Variants in ARID2 observed in about 807,000 individuals in gnomAD.
The protein encoded by ARID2 is AT-rich interactive domain-containing protein 2.
ARID2 carries 32 observed loss-of-function variants against 184.6 expected under a neutral mutation model. That is an observed-to-expected ratio of 0.17 (90% CI 0.13 to 0.23). The LOEUF is 0.23. Among genes scored for constraint, ARID2 ranks in the 10% least tolerant of loss-of-function variants. The probability of loss-of-function intolerance (pLI) is 1.00; values close to 1 mark genes in which losing one functional copy is unlikely to be tolerated. For synonymous variants in ARID2, 836 were observed against 772.6 expected (o/e 1.08, Z -1.36); for missense variants, 1,696 against 2,197.6 (o/e 0.77, Z 4.56).
At chr12:45,783,682 G>C (rs915172654) in intron 3 of ARID2, among the ~76,000 whole-genome samples, 3 of 152,238 alleles carry the variant, frequency 2.0e-5, no homozygotes. Flanking sequence ...TGCCACTGCT[G>C]ATCTGACAGG....
At chr12:45,807,558 G>A (rs1034933648) in intron 3 of ARID2, among the ~76,000 whole-genome samples, 3 of 152,086 alleles carry the variant, frequency 2.0e-5, no homozygotes, top group African/African-American at 7.2e-5. Flanking sequence ...ATACTATTGT[G>A]CTAGTCTTTA....
intron 16 of ARID2, among the ~76,000 whole-genome samples, chr12:45,862,892 A>ATT (rs5797953): frequency 7.3e-5 from 11 of 150,066 alleles, no homozygotes; most frequent in African/African-American, 1.7e-4. Context: ...AGAGCATGCC[A>ATT]TTTTTTTTTT....
chr12:45,768,623 G>GA (rs1592064377), intron 3 of ARID2, among the ~76,000 whole-genome samples: 1 of 152,278 alleles, frequency 6.6e-6, no homozygotes, highest in East Asian at 1.9e-4. Context: ...GGTGCGGTGA[G>GA]AGACAGTTAG....
intron 3 of ARID2, among the ~76,000 whole-genome samples, chr12:45,739,064 G>T (rs1437153681): frequency 1.3e-5 from 2 of 151,858 alleles, no homozygotes; most frequent in African/African-American, 4.8e-5. Context: ...CACCTCTTGG[G>T]TTCAAGTGAT....
intron 3 of ARID2, among the ~76,000 whole-genome samples, chr12:45,803,635 T>C (rs928020047): frequency 4.6e-5 from 7 of 152,174 alleles, no homozygotes; most frequent in African/African-American, 1.7e-4. Flanking sequence ...TATAGAAATC[T>C]TTTGGCCTAC....
chr12:45,829,109 T>G (rs1431018171), intron 6 of ARID2, among the ~76,000 whole-genome samples: 1 of 152,090 alleles, frequency 6.6e-6, no homozygotes, highest in African/African-American at 2.4e-5. Context: ...AGATTTGGTT[T>G]TTTTCCCTCA....
intron 20 of ARID2, among the ~76,000 whole-genome samples, chr12:45,899,648 T>TGG (rs1491498908): frequency 7.7e-5 from 6 of 77,646 alleles, no homozygotes; most frequent in Non-Finnish European, 1.3e-4. Context: ...TATATATATA[T>TGG]TTGGTTATAT....
At chr12:45,734,744 C>A (rs1465978604) in intron 3 of ARID2, among the ~76,000 whole-genome samples, 1 of 151,938 alleles carries the variant, frequency 6.6e-6, no homozygotes, top group African/African-American at 2.4e-5. Flanking sequence ...ATTTTTTGTT[C>A]TGTTTTGTTG....
intron 3 of ARID2, among the ~76,000 whole-genome samples, chr12:45,735,613 C>A (rs1592043883): frequency 6.6e-6 from 1 of 152,100 alleles, no homozygotes; most frequent in East Asian, 1.9e-4. Context: ...AGCCACTGAG[C>A]CTGGCAGTGT....
intron 2 of ARID2, among the ~76,000 whole-genome samples, chr12:45,730,350 G>A (rs1240598875): frequency 6.8e-6 from 1 of 146,284 alleles, no homozygotes; most frequent in African/African-American, 2.4e-5. Context: ...GGCTCCGGCG[G>A]GCGGGCGGCC....
At chr12:45,730,546 A>G (rs1211652871) in intron 2 of ARID2, among the ~76,000 whole-genome samples, 1 of 152,046 alleles carries the variant, frequency 6.6e-6, no homozygotes, top group Admixed American at 6.5e-5. Flanking sequence ...GGAGACACAC[A>G]GAGACACACA....
intron 3 of ARID2, among the ~76,000 whole-genome samples, chr12:45,773,963 C>T (rs1009576285): frequency 1.3e-5 from 2 of 152,070 alleles, no homozygotes. Flanking sequence ...TCCCCTGTGA[C>T]TGGAGATTAA....
At position 45,852,153 on chromosome 12, in the gene ARID2, A is replaced by G. The variant is rs1483452285; in HGVS notation, c.4030A>G (p.Ile1344Val). The G allele has an allele frequency of 1.9e-6, 3 of 1,614,058 alleles. No individual in the cohort carries two copies. Among genetic ancestry groups the G allele is most frequent in the African/African-American group, 1.3e-5 (1 of 74,944 alleles). Residue 1344 changes from isoleucine (I) to valine (V), a missense_variant, in exon 15 of 21, where the codon ATA becomes GTA. Ile to Val is a conservative substitution (Grantham distance 29). Transcript: ENST00000334344. ...GASGKQNSEQIDMQDIKSDLR... is the reference protein window; with the variant it reads ...GASGKQNSEQVDMQDIKSDLR... ...ATCTGGGAAACAGAACTCAGAACAA[A>G]TAGACATGCAAGATATCAAAAGTGA...
intron 3 of ARID2, among the ~76,000 whole-genome samples, chr12:45,749,021 C>T (rs935432375): frequency 6.6e-6 from 1 of 152,166 alleles, no homozygotes; most frequent in African/African-American, 2.4e-5. Flanking sequence ...ATTTTAACCT[C>T]CTATGAATCA....
At chr12:45,793,109 G>A (rs1408406109) in intron 3 of ARID2, among the ~76,000 whole-genome samples, 1 of 152,032 alleles carries the variant, frequency 6.6e-6, no homozygotes. Context: ...GACCAGCCTG[G>A]CTAACATGGT....
intron 3 of ARID2, among the ~76,000 whole-genome samples, chr12:45,773,000 A>G (rs890892095): frequency 1.3e-5 from 2 of 152,202 alleles, no homozygotes; most frequent in African/African-American, 4.8e-5. Flanking sequence ...AGGAAACACC[A>G]TATGCAACAC....
intron 3 of ARID2, among the ~76,000 whole-genome samples, chr12:45,802,071 C>A (rs1412191748): frequency 6.7e-6 from 1 of 149,994 alleles, no homozygotes; most frequent in Non-Finnish European, 1.5e-5. Context: ...CCCCCACCCC[C>A]ACCCACCCCC....
At chr12:45,779,261 A>T (rs1942044159) in intron 3 of ARID2, among the ~76,000 whole-genome samples, 1 of 152,060 alleles carries the variant, frequency 6.6e-6, no homozygotes, top group African/African-American at 2.4e-5. Flanking sequence ...CTTAATGTAT[A>T]TTGCCAAGTA....
intron 3 of ARID2, among the ~76,000 whole-genome samples, chr12:45,769,520 TAA>T (rs1941829907): frequency 6.6e-6 from 1 of 152,066 alleles, no homozygotes; most frequent in East Asian, 1.9e-4. Context: ...GCATGGAGAA[TAA>T]TCAACAGAAC....
Sources: gnomAD v4.1 joint callset for allele counts (sites outside exome capture counted in the v4.1 genomes callset) on GRCh38, gnomAD v4.1.1 for gene constraint, MANE v1.5 for transcripts, NCBI Gene and HGNC (gene_info 2026-07-23, HGNC 2026-07-21) for gene names.